TSHZ2: variants seen among roughly 807,000 people sequenced by gnomAD.
TSHZ2 encodes the protein teashirt zinc finger homeobox 2.
Under a neutral mutation model 74.4 loss-of-function variants are expected in TSHZ2, and 21 were observed. The observed-to-expected ratio is 0.28, with a 90% CI of 0.20 to 0.41. TSHZ2 has a LOEUF of 0.41. Ranked by LOEUF, TSHZ2 falls within the 10% of genes least tolerant of loss-of-function variation. The pLI is 1.00. For missense variants in TSHZ2, 1,244 were observed against 1,293.5 expected (o/e 0.96, Z 0.59); for synonymous variants, 540 against 515.3 (o/e 1.05, Z -0.65).
Position 53,467,985 on chromosome 20 carries a change from T to TA in TSHZ2, c.*9-19150dup, listed in dbSNP as rs202154809. 4.6e-3 allele frequency among the ~76,000 whole-genome samples: 688 copies of TA among 150,506 alleles called. 2 individuals carry two copies. The highest frequency in any genetic ancestry group is 0.038 in the South Asian group (180 of 4,740). ...CGTGATAGAACCAAATATTTGAAACTAAAAAAAAACATTCTTTCTGTAAAA... is the reference window on the plus strand; with the variant it reads ...CGTGATAGAACCAAATATTTGAAACTAAAAAAAAAACATTCTTTCTGTAAAA... On this transcript the variant is annotated intron_variant, in intron 2 of 2. Transcript: ENST00000371497.
chr20:52,995,267 C>T (rs546277145), intron 1 of TSHZ2, among the ~76,000 whole-genome samples: 6 of 152,304 alleles, frequency 3.9e-5, no homozygotes, highest in Admixed American at 2.0e-4. Flanking sequence ...CATTCAGAAT[C>T]TCTACATGGG....
chr20:53,463,246 TG>T (rs1985435192), intron 2 of TSHZ2, among the ~76,000 whole-genome samples: 1 of 152,040 alleles, frequency 6.6e-6, no homozygotes, highest in African/African-American at 2.4e-5. Flanking sequence ...GTTTTAGGAT[TG>T]GGTGCAGTGG....
intron 2 of TSHZ2, among the ~76,000 whole-genome samples, chr20:53,257,825 T>G (rs1482528064): frequency 6.6e-6 from 1 of 152,180 alleles, no homozygotes; most frequent in Non-Finnish European, 1.5e-5. Context: ...CGATCGAATA[T>G]GAAAAACTAA....
intron 1 of TSHZ2, among the ~76,000 whole-genome samples, chr20:53,130,584 C>T (rs1987075901): frequency 6.6e-6 from 1 of 152,146 alleles, no homozygotes; most frequent in Non-Finnish European, 1.5e-5. Context: ...TGAGATTGCT[C>T]CACTGCACTC....
At chr20:53,135,758 A>T (rs1391681455) in intron 1 of TSHZ2, among the ~76,000 whole-genome samples, 2 of 151,914 alleles carry the variant, frequency 1.3e-5, no homozygotes, top group East Asian at 3.9e-4. Context: ...GTGCACCACC[A>T]TGCCCAGCTA....
At chr20:53,207,084 G>A (rs1247765582) in intron 1 of TSHZ2, among the ~76,000 whole-genome samples, 2 of 152,112 alleles carry the variant, frequency 1.3e-5, no homozygotes, top group African/African-American at 2.4e-5. Flanking sequence ...CTGACCTGGC[G>A]TGGTCTCTTC....
intron 1 of TSHZ2, among the ~76,000 whole-genome samples, chr20:53,181,444 CAG>C (rs1377049069): frequency 6.6e-6 from 1 of 152,138 alleles, no homozygotes; most frequent in African/African-American, 2.4e-5. Context: ...AGGAAACAAA[CAG>C]AAGTTCAGCA....
At chr20:53,287,993 A>T (rs986336632) in intron 2 of TSHZ2, among the ~76,000 whole-genome samples, 1 of 151,524 alleles carries the variant, frequency 6.6e-6, no homozygotes, top group African/African-American at 2.4e-5. Flanking sequence ...TCCTCATAAA[A>T]TTCCACTATA....
chr20:53,398,109 C>G (rs948944565), intron 2 of TSHZ2: 3 of 152,044 alleles, frequency 2.0e-5, no homozygotes, highest in Admixed American at 6.6e-5. Flanking sequence ...TGCACATGTA[C>G]CCTAGAACTT....
intron 1 of TSHZ2, among the ~76,000 whole-genome samples, chr20:53,225,364 C>A (rs1030836642): frequency 1.3e-5 from 2 of 152,192 alleles, no homozygotes; most frequent in Non-Finnish European, 2.9e-5. Flanking sequence ...CATCATGGGT[C>A]CCCTGGGTCT....
At chr20:53,001,255 T>TGTGTGTGTGTGTGTGTGTG (rs1982430603) in intron 1 of TSHZ2, among the ~76,000 whole-genome samples, 1 of 120,100 alleles carries the variant, frequency 8.3e-6, no homozygotes, top group Non-Finnish European at 1.8e-5. Flanking sequence ...TGTGTGTGTG[T>TGTGTGTGTGTGTGTGTGTG]TTGGGAGGGG....
At chr20:53,258,648 G>A (rs1403552395) in intron 2 of TSHZ2, among the ~76,000 whole-genome samples, 1 of 152,160 alleles carries the variant, frequency 6.6e-6, no homozygotes. Context: ...ATTCAAAGGT[G>A]AACCAATAAT....
chr20:53,233,131 A>G (rs1989866727), intron 1 of TSHZ2, among the ~76,000 whole-genome samples: 1 of 152,242 alleles, frequency 6.6e-6, no homozygotes, highest in African/African-American at 2.4e-5. Context: ...TTAAGATACC[A>G]TTGATTGTAA....
intron 2 of TSHZ2, among the ~76,000 whole-genome samples, chr20:53,270,022 CT>C (rs1222908151): frequency 2.6e-5 from 4 of 151,948 alleles, no homozygotes; most frequent in Admixed American, 2.6e-4. Context: ...TTTAAGGAAA[CT>C]GAGGCATTTT....
In TSHZ2 at chr20:53,101,118, G is replaced by C. The variant is rs112858643; in HGVS notation, c.40+127785G>C. ...TTCCTGTAATCCAGCAAGGAATGCC[G>C]TTCTAAGGACATCTGTGGTCTCTGC... On this transcript the variant is annotated intron_variant, in intron 1 of 2. Transcript: ENST00000371497. Among the ~76,000 whole-genome samples, 13 of 152,230 alleles carry C rather than the reference G, an allele frequency of 8.5e-5. No homozygotes were observed. The East Asian group carries it at 1.7e-3, about 20-fold the overall frequency.
chr20:52,992,969 C>T (rs1025739347), intron 1 of TSHZ2, among the ~76,000 whole-genome samples: 2 of 151,946 alleles, frequency 1.3e-5, no homozygotes, highest in Non-Finnish European at 2.9e-5. Context: ...TTTTAGGTGC[C>T]CTCTCGATTG....
At position 53,230,039 on chromosome 20, in the gene TSHZ2, A is replaced by AGAAG. The variant is rs749195629; in HGVS notation, c.41-23454_41-23451dup. 2.4e-4 allele frequency among the ~76,000 whole-genome samples: 29 copies of AGAAG among 120,510 alleles called. No homozygotes were observed. The East Asian group carries it at 7.5e-3, about 31-fold the overall frequency. 79.1% of individuals were successfully genotyped at this position (120,510 alleles called of 152,430 possible). A position where few individuals can be genotyped will look rare whatever the true frequency, so the allele number is the denominator to read the frequency against. On this transcript the variant is annotated intron_variant, in intron 1 of 2. Transcript: ENST00000371497. ...GGAAAAAAGAGAAGGAAGGAAGGAA[A>AGAAG]GAAGGAAGGGAGGGAGGGAGGGGAG...
chr20:53,420,369 A>G (rs1600625621), intron 2 of TSHZ2, among the ~76,000 whole-genome samples: 1 of 152,200 alleles, frequency 6.6e-6, no homozygotes, highest in East Asian at 1.9e-4. Flanking sequence ...CCAGAGGTGA[A>G]TTTGGATTGT....
intron 1 of TSHZ2, among the ~76,000 whole-genome samples, chr20:53,000,055 C>T (rs189960673): frequency 1.5e-4 from 23 of 152,290 alleles, no homozygotes; most frequent in African/African-American, 5.1e-4. Flanking sequence ...TCTTCGCAGA[C>T]GTCCAATGAG....
Sources: allele counts gnomAD v4.1 joint callset (sites outside exome capture counted in the v4.1 genomes callset), GRCh38; gene constraint gnomAD v4.1.1; transcripts MANE v1.5; gene names NCBI Gene and HGNC (gene_info 2026-07-23, HGNC 2026-07-21).